Variants in SUGCT observed in about 807,000 individuals in gnomAD.
SUGCT encodes the protein succinyl-CoA:glutarate CoA-transferase.
Under a neutral mutation model 55.0 loss-of-function variants are expected in SUGCT, and 41 were observed. The ratio of observed to expected loss-of-function variants is 0.74; its 90% CI spans 0.58 to 0.97. The LOEUF (loss-of-function observed/expected upper bound fraction) is 0.97, where lower values mean the gene tolerates loss of function less well. Ranked by LOEUF, SUGCT falls within the 50% of genes least tolerant of loss-of-function variation. The pLI is 0.00. For synonymous variants in SUGCT, 187 were observed against 200.4 expected (o/e 0.93, Z 0.56); for missense variants, 568 against 547.8 (o/e 1.04, Z -0.37).
the SUGCT span, among the ~76,000 whole-genome samples, chr7:40,914,469 G>GT: frequency 5.3e-5 from 8 of 151,860 alleles, no homozygotes; most frequent in African/African-American, 1.7e-4. Context: ...GGGCTTTTCA[G>GT]TTTTGTCACC....
intron 11 of SUGCT, among the ~76,000 whole-genome samples, chr7:40,485,565 A>G (rs1052728645): frequency 6.6e-6 from 1 of 151,498 alleles, no homozygotes; most frequent in African/African-American, 2.4e-5. Flanking sequence ...AGCTGGACCT[A>G]CAGGCAGTCA....
At chr7:40,546,135 A>C (rs1231713530) in intron 12 of SUGCT, among the ~76,000 whole-genome samples, 1 of 152,160 alleles carries the variant, frequency 6.6e-6, no homozygotes, top group Non-Finnish European at 1.5e-5. Context: ...TCAGACTTAG[A>C]CACAGGACAT....
At chr7:40,385,628 C>T (rs1785082030) in intron 9 of SUGCT, among the ~76,000 whole-genome samples, 1 of 152,144 alleles carries the variant, frequency 6.6e-6, no homozygotes, top group South Asian at 2.1e-4. Flanking sequence ...CTATGTTTCT[C>T]CTTTTTTCTT....
At chr7:40,970,849 A>C in the SUGCT span, among the ~76,000 whole-genome samples, 1 of 152,080 alleles carries the variant, frequency 6.6e-6, no homozygotes, top group Non-Finnish European at 1.5e-5. Context: ...GGACAAGGAG[A>C]AAGTTTAGTG....
At chr7:40,153,252 C>T in intron 1 of SUGCT, 1 of 401,278 alleles carries the variant, frequency 2.5e-6, no homozygotes, top group Non-Finnish European at 4.8e-6. Flanking sequence ...AGAGATGAGA[C>T]TGATGAAAGC....
chr7:40,849,265 C>T (rs1162464645), intron 13 of SUGCT, among the ~76,000 whole-genome samples: 1 of 152,134 alleles, frequency 6.6e-6, no homozygotes, highest in African/African-American at 2.4e-5. Context: ...AAAATCCACA[C>T]ATTTAGGGTA....
At chr7:40,705,238 T>C (rs924997092) in intron 12 of SUGCT, among the ~76,000 whole-genome samples, 1 of 152,190 alleles carries the variant, frequency 6.6e-6, no homozygotes, top group Non-Finnish European at 1.5e-5. Flanking sequence ...AGAAGTCCTG[T>C]GTACCCAATG....
chr7:41,001,514 A>G, the SUGCT span, among the ~76,000 whole-genome samples: 2 of 152,206 alleles, frequency 1.3e-5, no homozygotes, highest in Non-Finnish European at 2.9e-5. Context: ...TGCTAGAATA[A>G]GCTACCATAG....
At chr7:40,733,120 CAG>C (rs1360200244) in intron 12 of SUGCT, among the ~76,000 whole-genome samples, 1 of 152,180 alleles carries the variant, frequency 6.6e-6, no homozygotes, top group African/African-American at 2.4e-5. Flanking sequence ...GCTGGGAACA[CAG>C]ATGTGTCTGA....
chr7:40,709,244 C>T (rs1785580291), intron 12 of SUGCT, among the ~76,000 whole-genome samples: 1 of 152,248 alleles, frequency 6.6e-6, no homozygotes, highest in African/African-American at 2.4e-5. Context: ...TTAACTCTTC[C>T]CCACCAAACA....
intron 12 of SUGCT, among the ~76,000 whole-genome samples, chr7:40,690,590 C>G (rs974934270): frequency 2.7e-5 from 4 of 150,482 alleles, no homozygotes; most frequent in Admixed American, 2.0e-4. Flanking sequence ...TTTTTTGAGA[C>G]AAGGTGAAAC....
At chr7:40,758,675 A>G (rs935745954) in intron 13 of SUGCT, among the ~76,000 whole-genome samples, 4 of 152,034 alleles carry the variant, frequency 2.6e-5, no homozygotes, top group African/African-American at 7.2e-5. Flanking sequence ...CCACATCTTC[A>G]TGTTGTCATA....
rs536534209 is a variant in SUGCT at position 40,246,385 on chromosome 7, G to A, written c.576+8659G>A. Among the ~76,000 whole-genome samples the A allele has an allele frequency of 8.6e-5, 13 of 151,438 alleles. No individual in the cohort carries two copies. In the South Asian group the frequency reaches 2.1e-3, roughly 24 times the overall value. ...GTGCCTCAGCCTCCTGAGTAGCTGC[G>A]ATTACAGGTGCTTGCCATGACACCT... On this transcript the variant is annotated intron_variant, in intron 7 of 13. Transcript: ENST00000335693.
chr7:40,751,675 C>T (rs918094596), intron 13 of SUGCT, among the ~76,000 whole-genome samples: 1 of 152,152 alleles, frequency 6.6e-6, no homozygotes, highest in African/African-American at 2.4e-5. Context: ...TGTGGTCTTC[C>T]ACACATCTCT....
chr7:40,577,774 A>G (rs1796846974), intron 12 of SUGCT, among the ~76,000 whole-genome samples: 1 of 152,112 alleles, frequency 6.6e-6, no homozygotes, highest in Admixed American at 6.6e-5. Flanking sequence ...TTTTGGCATC[A>G]TATTATCAAG....
At chr7:40,817,358 T>C (rs1791724851) in intron 13 of SUGCT, among the ~76,000 whole-genome samples, 1 of 152,010 alleles carries the variant, frequency 6.6e-6, no homozygotes, top group African/African-American at 2.4e-5. Context: ...AACACCCAAG[T>C]CACTGGGGAG....
chr7:40,311,234 T>G lies in SUGCT; in HGVS notation c.721-5526T>G, dbSNP rs115681642. 6.0e-3 allele frequency among the ~76,000 whole-genome samples: 919 copies of G among 152,284 alleles called. 7 individuals are homozygous for G. The highest frequency in any genetic ancestry group is 0.021 in the African/African-American group (878 of 41,542). ...TCTGTTCTTAAAATATATCTTAAAC[T>G]CATGATTTTTCCATGTCTACTGCTA... On this transcript the variant is annotated intron_variant, in intron 8 of 13. Coordinates refer to ENST00000335693, the MANE Select transcript of SUGCT (RefSeq NM_001193313.2).
intron 12 of SUGCT, among the ~76,000 whole-genome samples, chr7:40,657,671 A>G (rs1172182795): frequency 6.6e-6 from 1 of 151,112 alleles, no homozygotes; most frequent in Non-Finnish European, 1.5e-5. Flanking sequence ...AGTAGCTGGG[A>G]TTACAGGCAC....
At chr7:40,448,007 G>A (rs1788941387) in intron 9 of SUGCT, among the ~76,000 whole-genome samples, 1 of 152,126 alleles carries the variant, frequency 6.6e-6, no homozygotes, top group African/African-American at 2.4e-5. Flanking sequence ...CTAGGACTGT[G>A]GGTGGTTAGA....
Sources: gnomAD v4.1 joint callset for allele counts (sites outside exome capture counted in the v4.1 genomes callset) on GRCh38, gnomAD v4.1.1 for gene constraint, MANE v1.5 for transcripts, NCBI Gene and HGNC (gene_info 2026-07-23, HGNC 2026-07-21) for gene names.